The following CSMD1 variants were observed in gnomAD, a reference collection of about 807,000 sequenced individuals.
CSMD1 encodes CUB and sushi domain-containing protein 1.
CSMD1 carries 213 observed loss-of-function variants against 417.5 expected under a neutral mutation model. The observed-to-expected ratio is 0.51, with a 90% CI of 0.46 to 0.57. CSMD1 has a LOEUF of 0.57. CSMD1 is among the 20% of genes least tolerant of loss of function. CSMD1 has a pLI of 0.00. For synonymous variants in CSMD1, 2,862 were observed against 1,736.8 expected (o/e 1.65, Z -16.11); for missense variants, 6,923 against 4,529.7 (o/e 1.53, Z -15.17).
chr8:4,055,393 A>C (rs1798640002), intron 3 of CSMD1, among the ~76,000 whole-genome samples: 1 of 152,078 alleles, frequency 6.6e-6, no homozygotes, highest in Non-Finnish European at 1.5e-5. Context: ...TAAGTGATTA[A>C]TCCAATACAT....
intron 12 of CSMD1, among the ~76,000 whole-genome samples, chr8:3,441,506 TATATACAC>T (rs1444094877): frequency 1.8e-5 from 2 of 108,398 alleles, no homozygotes. Flanking sequence ...TATATATATA[TATATACAC>T]ACACACACAC....
intron 3 of CSMD1, among the ~76,000 whole-genome samples, chr8:4,196,007 C>T (rs1799319245): frequency 6.6e-6 from 1 of 151,950 alleles, no homozygotes; most frequent in Admixed American, 6.6e-5. Context: ...GTCATGCGAT[C>T]GAGACCATCC....
At chr8:3,487,199 T>TTTA (rs1563084488) in intron 11 of CSMD1, among the ~76,000 whole-genome samples, 3 of 150,696 alleles carry the variant, frequency 2.0e-5, no homozygotes, top group Non-Finnish European at 3.0e-5. Context: ...ATCAGCATAC[T>TTTA]TTTTTATTTA....
chr8:4,378,970 A>G (rs900963929), intron 3 of CSMD1, among the ~76,000 whole-genome samples: 5 of 152,294 alleles, frequency 3.3e-5, no homozygotes, highest in African/African-American at 7.2e-5. Context: ...CCAGTTTATG[A>G]TATTTTGTAA....
intron 25 of CSMD1, among the ~76,000 whole-genome samples, chr8:3,298,972 G>C: frequency 6.6e-6 from 1 of 152,140 alleles, no homozygotes; most frequent in East Asian, 1.9e-4. Context: ...AGCTTACACA[G>C]AAAAACAAAC....
intron 1 of CSMD1, among the ~76,000 whole-genome samples, chr8:4,855,400 C>G (rs1273153828): frequency 6.6e-6 from 1 of 152,144 alleles, no homozygotes; most frequent in Non-Finnish European, 1.5e-5. Context: ...AGCAACGGAA[C>G]AAAGCTGGAT....
At chr8:3,874,093 G>C (rs998733761) in intron 5 of CSMD1, among the ~76,000 whole-genome samples, 2 of 152,096 alleles carry the variant, frequency 1.3e-5, no homozygotes, top group African/African-American at 4.8e-5. Flanking sequence ...CTATCCTCAG[G>C]CTGGGTTCTT....
intron 7 of CSMD1, among the ~76,000 whole-genome samples, chr8:3,661,295 G>A (rs890945439): frequency 6.6e-6 from 1 of 152,104 alleles, no homozygotes; most frequent in East Asian, 1.9e-4. Flanking sequence ...CCTGCTGAGC[G>A]TTCAAACTGT....
intron 12 of CSMD1, among the ~76,000 whole-genome samples, chr8:3,436,094 C>T (rs745653902): frequency 6.6e-6 from 1 of 152,172 alleles, no homozygotes; most frequent in Non-Finnish European, 1.5e-5. Flanking sequence ...CCCTAAGGAG[C>T]AGAGGCTCCC....
At chr8:4,121,197 C>A (rs1403171820) in intron 3 of CSMD1, among the ~76,000 whole-genome samples, 1 of 152,052 alleles carries the variant, frequency 6.6e-6, no homozygotes, top group African/African-American at 2.4e-5. Flanking sequence ...TCACAGCAAC[C>A]TCTGCCTCTC....
chr8:4,713,196 A>T (rs1293842220), intron 1 of CSMD1, among the ~76,000 whole-genome samples: 2 of 152,320 alleles, frequency 1.3e-5, no homozygotes, highest in African/African-American at 4.8e-5. Context: ...ATTATCAACC[A>T]TTAACACTTT....
intron 27 of CSMD1, among the ~76,000 whole-genome samples, chr8:3,227,010 A>G (rs17079662): frequency 0.099 from 15,030 of 152,202 alleles, 972 homozygotes; most frequent in African/African-American, 0.17. Context: ...TGTGCCTTAA[A>G]ATCTATAAAG....
At chr8:4,560,849 C>T (rs1421855928) in intron 2 of CSMD1, among the ~76,000 whole-genome samples, 1 of 152,184 alleles carries the variant, frequency 6.6e-6, no homozygotes, top group Non-Finnish European at 1.5e-5. Context: ...TGTTCACCAG[C>T]AAATCTCTTG....
At chr8:4,507,147 T>A (rs1223872542) in intron 2 of CSMD1, among the ~76,000 whole-genome samples, 1 of 152,190 alleles carries the variant, frequency 6.6e-6, no homozygotes, top group Non-Finnish European at 1.5e-5. Context: ...TTTACATTCT[T>A]CCATATTTCT....
chr8:4,883,478 G>T (rs1201937482), intron 1 of CSMD1, among the ~76,000 whole-genome samples: 1 of 152,050 alleles, frequency 6.6e-6, no homozygotes, highest in Non-Finnish European at 1.5e-5. Context: ...ACCATTAGCA[G>T]TCAATTTATT....
Position 3,223,808 on chromosome 8 carries a change from G to C in CSMD1, c.4405C>G (p.Gln1469Glu). 2 of 1,613,888 alleles carry C rather than the reference G, an allele frequency of 1.2e-6. No individual in the cohort carries two copies. The highest frequency in any genetic ancestry group is 1.7e-6 in the Non-Finnish European group (2 of 1,179,828). ...CATTCCTTCCCAGGAGGATACGGCT[G>C]TGGGTAGTTGGGTGACAAAATAACA... is the stretch of plus-strand genomic sequence containing the variant. ...AGVILSPNYP[Q>E]PYPPGKECDW... Residue 1469 changes from glutamine (Q) to glutamate (E), a missense_variant, in exon 28 of 70, where the codon CAG becomes GAG. Transcript: ENST00000635120.
chr8:3,876,455 T>G (rs955063837), intron 5 of CSMD1, among the ~76,000 whole-genome samples: 17 of 152,332 alleles, frequency 1.1e-4, no homozygotes, highest in Non-Finnish European at 2.1e-4. Context: ...TATTCCTGTC[T>G]CTTGTTGGAG....
At chr8:4,778,362 T>C (rs1585083911) in intron 1 of CSMD1, among the ~76,000 whole-genome samples, 1 of 152,306 alleles carries the variant, frequency 6.6e-6, no homozygotes, top group East Asian at 1.9e-4. Flanking sequence ...TGATGATTTT[T>C]CCACAAAACT....
chr8:4,279,458 AG>A lies in CSMD1; in HGVS notation c.415+140494del, dbSNP rs1796661956. Among the ~76,000 whole-genome samples the A allele has an allele frequency of 3.3e-5, 5 of 152,186 alleles. No homozygotes were observed. In the South Asian group the frequency reaches 1.0e-3, roughly 31 times the overall value. On this transcript the variant is annotated intron_variant, in intron 3 of 69. Coordinates refer to ENST00000635120, the MANE Select transcript of CSMD1 (RefSeq NM_033225.6). ...CTTGGATAAGATTCCAAGTCCCAGT[AG>A]CCCATTTAATAGCGTTTTTTCATGA... is the stretch of plus-strand genomic sequence containing the variant.
Sources: allele counts gnomAD v4.1 joint callset (sites outside exome capture counted in the v4.1 genomes callset), GRCh38; gene constraint gnomAD v4.1.1; transcripts MANE v1.5; gene names NCBI Gene and HGNC (gene_info 2026-07-23, HGNC 2026-07-21).